The following ZDHHC14 variants were observed in gnomAD, a reference collection of about 807,000 sequenced individuals.
ZDHHC14 encodes the protein zDHHC palmitoyltransferase 14, also known as palmitoyltransferase ZDHHC14.
In ZDHHC14, 16 loss-of-function variants were observed where a neutral mutation model predicts 47.7. The observed-to-expected ratio is 0.34, with a 90% confidence interval of 0.23 to 0.51. The LOEUF (loss-of-function observed/expected upper bound fraction) is 0.51, where lower values mean the gene tolerates loss of function less well. Ranked by LOEUF, ZDHHC14 falls within the 20% of genes least tolerant of loss-of-function variation. ZDHHC14 has a pLI of 0.97. For synonymous variants in ZDHHC14, 293 were observed against 278.9 expected (o/e 1.05, Z -0.50); for missense variants, 515 against 662.5 (o/e 0.78, Z 2.44).
chr6:157,396,406 A>G (rs542233375), intron 1 of ZDHHC14, among the ~76,000 whole-genome samples: 2 of 152,328 alleles, frequency 1.3e-5, no homozygotes, highest in Non-Finnish European at 2.9e-5. Context: ...AGTTTCCCAT[A>G]CACACATTCT....
chr6:157,514,544 C>A (rs1780609684), intron 1 of ZDHHC14, among the ~76,000 whole-genome samples: 1 of 152,342 alleles, frequency 6.6e-6, no homozygotes, highest in South Asian at 2.1e-4. Flanking sequence ...TGGAAGAAGT[C>A]CCTGGAATCC....
intron 1 of ZDHHC14, among the ~76,000 whole-genome samples, chr6:157,447,178 A>G (rs1363876801): frequency 1.3e-5 from 2 of 152,212 alleles, no homozygotes; most frequent in Non-Finnish European, 1.5e-5. Flanking sequence ...TTGTCTGAAT[A>G]TAATATTGTT....
chr6:157,448,867 C>T (rs1287553224), intron 1 of ZDHHC14, among the ~76,000 whole-genome samples: 1 of 152,216 alleles, frequency 6.6e-6, no homozygotes, highest in South Asian at 2.1e-4. Flanking sequence ...TGAGCCACTG[C>T]GCCTGGCCAG....
intron 8 of ZDHHC14, among the ~76,000 whole-genome samples, chr6:157,671,970 T>C (rs1179322655): frequency 6.6e-6 from 1 of 152,216 alleles, no homozygotes; most frequent in Non-Finnish European, 1.5e-5. Flanking sequence ...TCATCTTCCA[T>C]GGCTGGAACT....
chr6:157,550,133 A>G (rs188084205), intron 2 of ZDHHC14, among the ~76,000 whole-genome samples: 2 of 152,348 alleles, frequency 1.3e-5, no homozygotes, highest in Non-Finnish European at 2.9e-5. Context: ...ACTTGATGAG[A>G]TCACACTTTG....
chr6:157,492,702 A>T (rs559893811), intron 1 of ZDHHC14, among the ~76,000 whole-genome samples: 1 of 152,338 alleles, frequency 6.6e-6, no homozygotes, highest in African/African-American at 2.4e-5. Context: ...GGGCATGAAG[A>T]AATCACTTTA....
At chr6:157,462,150 T>C (rs1304726643) in intron 1 of ZDHHC14, among the ~76,000 whole-genome samples, 2 of 152,200 alleles carry the variant, frequency 1.3e-5, no homozygotes, top group African/African-American at 2.4e-5. Flanking sequence ...GTGTCCTCTG[T>C]GTTGTCATGA....
intron 8 of ZDHHC14, among the ~76,000 whole-genome samples, chr6:157,662,045 T>C (rs1370861990): frequency 4.6e-5 from 7 of 152,124 alleles, no homozygotes; most frequent in African/African-American, 1.4e-4. Context: ...ACTTTGTGCA[T>C]GGAGTAATGG....
chr6:157,517,019 G>A (rs1181933694), intron 1 of ZDHHC14, among the ~76,000 whole-genome samples: 1 of 152,212 alleles, frequency 6.6e-6, no homozygotes, highest in East Asian at 1.9e-4. Flanking sequence ...TGAGTTCTGA[G>A]TGGAGCATAA....
Position 157,381,583 on chromosome 6 carries a change from G to C in ZDHHC14, c.-439G>C. ...AGTGGCTCCCGAGGAAGCCGGCGCCGGGGCCGCCGCCTCGTGTCCCCTCGG... is the reference window on the plus strand; with the variant it reads ...AGTGGCTCCCGAGGAAGCCGGCGCCCGGGCCGCCGCCTCGTGTCCCCTCGG... On this transcript the variant is annotated 5_prime_UTR_variant, in exon 1 of 9. Coordinates refer to ENST00000359775, the MANE Select transcript of ZDHHC14 (RefSeq NM_024630.3). The C allele has an allele frequency of 2.5e-6, 1 of 398,078 alleles. No homozygotes were observed. Among genetic ancestry groups the C allele is most frequent in the Admixed American group, 2.7e-5 (1 of 36,440 alleles). 24.7% of individuals were successfully genotyped at this position (398,078 alleles called of 1,614,324 possible). A position where few individuals can be genotyped will look rare whatever the true frequency, so the allele number is the denominator to read the frequency against.
At chr6:157,389,188 A>G (rs1339678952) in intron 1 of ZDHHC14, among the ~76,000 whole-genome samples, 1 of 152,102 alleles carries the variant, frequency 6.6e-6, no homozygotes, top group East Asian at 1.9e-4. Flanking sequence ...ATGATTTCAA[A>G]CTTCCAGAAA....
chr6:157,618,332 T>C (rs1785046534), intron 3 of ZDHHC14, among the ~76,000 whole-genome samples: 1 of 152,040 alleles, frequency 6.6e-6, no homozygotes, highest in South Asian at 2.1e-4. Context: ...GACTGATTTT[T>C]TTTTTTTGAG....
intron 3 of ZDHHC14, among the ~76,000 whole-genome samples, chr6:157,597,152 C>T (rs1582996274): frequency 6.6e-6 from 1 of 152,136 alleles, no homozygotes; most frequent in African/African-American, 2.4e-5. Flanking sequence ...TTTGAGGTTA[C>T]GGAATATTTT....
intron 8 of ZDHHC14, among the ~76,000 whole-genome samples, chr6:157,663,983 C>T (rs1778448610): frequency 1.3e-5 from 2 of 152,224 alleles, no homozygotes; most frequent in East Asian, 1.9e-4. Context: ...CCCCAGAGCC[C>T]ATGCTTTTAA....
rs147614824 is a variant in ZDHHC14 at position 157,443,243 on chromosome 6, A to G, written c.245+60977A>G. Among the ~76,000 whole-genome samples the G allele has an allele frequency of 3.9e-3, 599 of 152,268 alleles. 2 individuals are homozygous for G. Among genetic ancestry groups the G allele is most frequent in the Non-Finnish European group, 6.9e-3 (467 of 67,998 alleles). Reference sequence around the variant, plus strand: ...TGAAGAAGGTGCTGCTTCCCCTTCCACCATGATTGTAAGTTTCCTGAGGCC... The same window carrying G: ...TGAAGAAGGTGCTGCTTCCCCTTCCGCCATGATTGTAAGTTTCCTGAGGCC... On this transcript the variant is annotated intron_variant, in intron 1 of 8. Coordinates refer to ENST00000359775, the MANE Select transcript of ZDHHC14 (RefSeq NM_024630.3).
At chr6:157,669,415 C>T (rs1362260076) in intron 8 of ZDHHC14, among the ~76,000 whole-genome samples, 1 of 152,090 alleles carries the variant, frequency 6.6e-6, no homozygotes, top group Non-Finnish European at 1.5e-5. Flanking sequence ...TGAGGCGAGC[C>T]CACCTCTTCC....
intron 3 of ZDHHC14, 143 bp downstream of exon 3, chr6:157,593,289 C>T: frequency 9.2e-7 from 1 of 1,091,368 alleles, no homozygotes; most frequent in South Asian, 1.7e-5. Context: ...GTTCACCGGG[C>T]CTAGAGTCAC....
At chr6:157,628,669 G>C in intron 4 of ZDHHC14, 183 bp downstream of exon 4, 1 of 724,270 alleles carries the variant, frequency 1.4e-6, no homozygotes, top group Non-Finnish European at 2.2e-6. Context: ...TCCCTCCTCC[G>C]TCCCCTGTCA....
At chr6:157,573,459 A>G (rs904955276) in intron 2 of ZDHHC14, among the ~76,000 whole-genome samples, 2 of 152,186 alleles carry the variant, frequency 1.3e-5, no homozygotes, top group African/African-American at 4.8e-5. Flanking sequence ...CTGGCCCTGC[A>G]TGCCTCCAGC....
Sources: allele counts gnomAD v4.1 joint callset (sites outside exome capture counted in the v4.1 genomes callset), GRCh38; gene constraint gnomAD v4.1.1; transcripts MANE v1.5; gene names NCBI Gene and HGNC (gene_info 2026-07-23, HGNC 2026-07-21).